The following PLLP variants were observed in gnomAD, a reference collection of about 807,000 sequenced individuals.
PLLP encodes the protein plasmolipin, also known as plasma membrane proteolipid (plasmolipin).
A neutral mutation model predicts 19.7 loss-of-function variants in PLLP; 15 were observed. The ratio of observed to expected loss-of-function variants is 0.76; its 90% confidence interval spans 0.51 to 1.17. PLLP has a LOEUF of 1.17. PLLP is among the 50% of genes most tolerant of loss of function. The pLI is 0.00. For missense variants in PLLP, 255 were observed against 258.3 expected, an observed-to-expected ratio of 0.99 and a Z score of 0.09; for synonymous variants, 111 against 116.3, an observed-to-expected ratio of 0.95 and a Z score of 0.29.
At chr16:57,257,073 G>A (rs777528251) in intron 3 of PLLP, 44 bp from the exon 4 acceptor site, 19 of 1,386,804 alleles carry the variant, frequency 1.4e-5, no homozygotes. Flanking sequence ...GAGGGTGACA[G>A]TGACACAAGC....
rs2146436278 is a variant in PLLP, at chr16:57,256,892, G to A, written c.*21C>T. ...ACCCAGCGGCGGCTTCAGCCCCAGA[G>A]GGGGCCGTGGCACAGGTGGTTTAGG... On this transcript the variant is annotated 3_prime_UTR_variant, in exon 4 of 4. Transcript: ENST00000219207. 6.5e-6 allele frequency: 10 copies of A among 1,539,498 alleles called. No individual in the cohort carries two copies. Among genetic ancestry groups the A allele is most frequent in the Non-Finnish European group, 9.0e-6 (10 of 1,114,336 alleles).
At chr16:57,275,416 C>G (rs1395839761) in intron 1 of PLLP, among the ~76,000 whole-genome samples, 2 of 151,908 alleles carry the variant, frequency 1.3e-5, no homozygotes, top group Non-Finnish European at 1.5e-5. Flanking sequence ...AAACTTAAAT[C>G]ACTAGGAAGT....
intron 1 of PLLP, among the ~76,000 whole-genome samples, chr16:57,277,499 G>A (rs1397540055): frequency 1.3e-5 from 2 of 152,222 alleles, no homozygotes; most frequent in East Asian, 1.9e-4. Flanking sequence ...GCTGAGGCAG[G>A]AGAATCACTT....
chr16:57,262,380 T>C (rs1044311138), intron 1 of PLLP, among the ~76,000 whole-genome samples: 89 of 152,050 alleles, frequency 5.9e-4, no homozygotes, highest in African/African-American at 2.1e-3. Context: ...GGTGAAACCC[T>C]GTCTCCACTA....
At chr16:57,273,051 G>A (rs1456938060) in intron 1 of PLLP, among the ~76,000 whole-genome samples, 2 of 152,096 alleles carry the variant, frequency 1.3e-5, no homozygotes, top group South Asian at 4.2e-4. Context: ...GAGGTCAGGA[G>A]ATCGAGACCA....
At chr16:57,258,419 G>A (rs1398555332) in intron 3 of PLLP, 43 bp downstream of exon 3, 1 of 1,597,938 alleles carries the variant, frequency 6.3e-7, no homozygotes, top group African/African-American at 1.3e-5. Flanking sequence ...TCCTGGGGCT[G>A]AGACCCTGCA....
intron 1 of PLLP, among the ~76,000 whole-genome samples, chr16:57,274,254 A>G (rs1364815328): frequency 1.3e-5 from 2 of 152,092 alleles, no homozygotes; most frequent in Non-Finnish European, 2.9e-5. Context: ...AAGTGCTGGC[A>G]TTACAGGTGT....
At chr16:57,272,759 C>T (rs1211912238) in intron 1 of PLLP, among the ~76,000 whole-genome samples, 1 of 152,012 alleles carries the variant, frequency 6.6e-6, no homozygotes, top group Non-Finnish European at 1.5e-5. Context: ...TGAGACCAGC[C>T]TGGGCAACAT....
intron 2 of PLLP, 23 bp downstream of exon 2, chr16:57,261,874 C>T (rs2075442780): frequency 6.2e-7 from 1 of 1,610,780 alleles, no homozygotes; most frequent in African/African-American, 1.3e-5. Flanking sequence ...ATAGCCACTT[C>T]CAGTACCCCC....
At chr16:57,257,753 A>C (rs1316452493) in intron 3 of PLLP, among the ~76,000 whole-genome samples, 1 of 152,164 alleles carries the variant, frequency 6.6e-6, no homozygotes, top group African/African-American at 2.4e-5. Flanking sequence ...GAGCCTATGA[A>C]TCTCCCAGAA....
At chr16:57,266,588 GAGGGAGGGGC>G (rs1350899658) in intron 1 of PLLP, among the ~76,000 whole-genome samples, 2 of 152,188 alleles carry the variant, frequency 1.3e-5, no homozygotes, top group Admixed American at 1.3e-4. Context: ...CCAGGGAGGT[GAGGGAGGGGC>G]AGGGAGGGTG....
intron 2 of PLLP, 46 bp from the exon 3 acceptor site, chr16:57,258,630 C>T (rs770481877): frequency 3.1e-6 from 5 of 1,601,520 alleles, no homozygotes; most frequent in African/African-American, 1.3e-5. Flanking sequence ...AGGCTTAAGA[C>T]ACAAAGAGAG....
At chr16:57,273,982 C>T (rs113667299) in intron 1 of PLLP, among the ~76,000 whole-genome samples, 13 of 152,218 alleles carry the variant, frequency 8.5e-5, no homozygotes, top group African/African-American at 3.1e-4. Context: ...TATCCACGAA[C>T]GTGTACTATT....
In PLLP at chr16:57,266,905, A is replaced by G. The variant is rs113692494; in HGVS notation, c.136-4835T>C. 5.4e-3 allele frequency among the ~76,000 whole-genome samples: 774 copies of G among 142,930 alleles called. 5 individuals are homozygous for G. The highest frequency in any genetic ancestry group is 8.6e-3 in the Non-Finnish European group (566 of 65,898). The allele number at this position is 142,930 out of a possible 152,430, so 93.8% of individuals were successfully genotyped here. On this transcript the variant is annotated intron_variant, in intron 1 of 3. Transcript: ENST00000219207. ...TTTTTGCTTTTCTGAAAACCTGAAT[A>G]ATTTGGATTAGGAACTTTTTTTTAC...
chr16:57,261,595 C>A (rs58284678), intron 2 of PLLP, among the ~76,000 whole-genome samples: 1,694 of 152,206 alleles, frequency 0.011, 38 homozygotes, highest in African/African-American at 0.039. Context: ...GTGGCACGTG[C>A]CTGTAGTCCT....
At chr16:57,276,945 A>C (rs1490688212) in intron 1 of PLLP, among the ~76,000 whole-genome samples, 1 of 152,228 alleles carries the variant, frequency 6.6e-6, no homozygotes, top group Non-Finnish European at 1.5e-5. Flanking sequence ...CTGACCACAC[A>C]GTCACACCAC....
chr16:57,262,201 C>A, intron 1 of PLLP, 131 bp from the exon 2 acceptor site: 1 of 814,724 alleles, frequency 1.2e-6, no homozygotes. Flanking sequence ...GTGTAATAAT[C>A]GCTGGAGGCC....
Position 57,262,049 on chromosome 16 carries a change from C to G in PLLP, c.157G>C (p.Ala53Pro). 6.2e-7 allele frequency: 1 copy of G among 1,614,180 alleles called. No individual in the cohort carries two copies. Residue 53 changes from alanine to proline, a missense_variant, in exon 2 of 4, where the codon GCG (alanine) becomes CCG (proline). Ala to Pro is a conservative substitution (Grantham distance 27). Transcript: ENST00000219207. ...TGGTACGGGGTGTCCGCAATCAGCG[C>G]CCACACCAGCAGCCCCAGCACCTAG... The part of the protein sequence containing the change: ...LQLVLGLLVW[A>P]LIADTPYHLY...
chr16:57,269,331 C>T (rs2075467205), intron 1 of PLLP, among the ~76,000 whole-genome samples: 1 of 152,178 alleles, frequency 6.6e-6, no homozygotes, highest in Non-Finnish European at 1.5e-5. Context: ...AGCATCAGAC[C>T]TTTGTGGGCT....
Sources: gnomAD v4.1 joint callset for allele counts (sites outside exome capture counted in the v4.1 genomes callset) on GRCh38, gnomAD v4.1.1 for gene constraint, MANE v1.5 for transcripts, NCBI Gene and HGNC (gene_info 2026-07-23, HGNC 2026-07-21) for gene names.